Variants in NBEAL1 observed in about 807,000 individuals in gnomAD.
NBEAL1 encodes the protein neurobeachin like 1, also known as neurobeachin-like protein 1.
NBEAL1 carries 273 observed loss-of-function variants against 351.3 expected under a neutral mutation model. That is an observed-to-expected ratio of 0.78 (90% CI 0.70 to 0.86). The LOEUF (loss-of-function observed/expected upper bound fraction) is 0.86. Among genes scored for constraint, NBEAL1 ranks in the 40% least tolerant of loss-of-function variants. The probability of loss-of-function intolerance (pLI) is 0.00; values close to 1 mark genes in which losing one functional copy is unlikely to be tolerated. For missense variants in NBEAL1, 2,961 were observed against 3,201.3 expected, an observed-to-expected ratio of 0.92 and a Z score of 1.81; for synonymous variants, 1,050 against 1,086.4, an observed-to-expected ratio of 0.97 and a Z score of 0.66.
At chr2:203,110,614 C>T (rs1461463213) in intron 15 of NBEAL1, among the ~76,000 whole-genome samples, 1 of 150,602 alleles carries the variant, frequency 6.6e-6, no homozygotes, top group East Asian at 2.0e-4. Flanking sequence ...GTCAAGGCTC[C>T]AGTAAGCTGA....
At chr2:203,147,981 C>G (rs916578653) in intron 33 of NBEAL1, among the ~76,000 whole-genome samples, 1 of 151,882 alleles carries the variant, frequency 6.6e-6, no homozygotes, top group Non-Finnish European at 1.5e-5. Flanking sequence ...ATTATTGAAC[C>G]TCAAAACTGT....
intron 10 of NBEAL1, chr2:203,086,249 C>G (rs887279533): frequency 6.6e-6 from 1 of 152,074 alleles, no homozygotes. Context: ...CTACCTTGAT[C>G]TTTTTTACTG....
chr2:203,200,433 A>G (rs2065363707), intron 49 of NBEAL1, among the ~76,000 whole-genome samples: 1 of 152,212 alleles, frequency 6.6e-6, no homozygotes, highest in Non-Finnish European at 1.5e-5. Context: ...GAATGGTGTG[A>G]ACCTGGGAGG....
intron 2 of NBEAL1, among the ~76,000 whole-genome samples, chr2:203,028,887 C>CAT (rs1422878639): frequency 1.3e-5 from 2 of 152,028 alleles, no homozygotes; most frequent in Non-Finnish European, 2.9e-5. Flanking sequence ...AGAGCATTCC[C>CAT]ATATACCCCC....
intron 3 of NBEAL1, among the ~76,000 whole-genome samples, chr2:203,047,913 T>G (rs887040810): frequency 5.3e-5 from 8 of 152,212 alleles, no homozygotes; most frequent in Non-Finnish European, 1.2e-4. Flanking sequence ...TGGTTAATTT[T>G]TTTTTTTCCA....
At chr2:203,077,677 C>A in intron 7 of NBEAL1, 75 bp from the exon 8 acceptor site, 1 of 864,248 alleles carries the variant, frequency 1.2e-6, no homozygotes, top group Non-Finnish European at 1.6e-6. Context: ...GTGTTTGCAT[C>A]AGACATTCCT....
chr2:203,177,269 A>C (rs1176312062), intron 42 of NBEAL1, among the ~76,000 whole-genome samples: 1 of 151,740 alleles, frequency 6.6e-6, no homozygotes, highest in Non-Finnish European at 1.5e-5. Flanking sequence ...GTAAGGTGGC[A>C]CACACCTATA....
At chr2:203,050,738 C>T (rs1046988145) in intron 4 of NBEAL1, among the ~76,000 whole-genome samples, 1 of 152,088 alleles carries the variant, frequency 6.6e-6, no homozygotes, top group African/African-American at 2.4e-5. Flanking sequence ...AGAGCTTGAG[C>T]CTTGCTTATG....
chr2:203,051,252 T>C (rs1365554652), intron 4 of NBEAL1, among the ~76,000 whole-genome samples: 1 of 152,122 alleles, frequency 6.6e-6, no homozygotes, highest in Non-Finnish European at 1.5e-5. Flanking sequence ...TTATAAGGGT[T>C]GAAGTATGCA....
Position 203,132,148 on chromosome 2 carries a change from A to G in NBEAL1, c.3724+16A>G. 1 of 1,370,928 alleles carries G rather than the reference A, an allele frequency of 7.3e-7. No homozygotes were observed. The highest frequency in any genetic ancestry group is 9.9e-7 in the Non-Finnish European group (1 of 1,014,274). 84.9% of individuals were successfully genotyped at this position (1,370,928 alleles called of 1,614,324 possible). A position where few individuals can be genotyped will look rare whatever the true frequency, so the allele number is the denominator to read the frequency against. Reference sequence around the variant, plus strand: ...ATAAATACAGGTATGAATAAGGCTAATAAAGCTAACATATTTAAGAAATGT... The same window carrying G: ...ATAAATACAGGTATGAATAAGGCTAGTAAAGCTAACATATTTAAGAAATGT... On this transcript the variant is annotated intron_variant, in intron 26 of 55. Coordinates refer to ENST00000683969, the MANE Select transcript of NBEAL1 (RefSeq NM_001378026.1).
chr2:203,184,378 C>G (rs2064832565), intron 44 of NBEAL1, among the ~76,000 whole-genome samples: 1 of 152,166 alleles, frequency 6.6e-6, no homozygotes, highest in Non-Finnish European at 1.5e-5. Flanking sequence ...TGACAATGAG[C>G]TGAGATCGCA....
intron 12 of NBEAL1, among the ~76,000 whole-genome samples, chr2:203,103,967 G>A (rs1574973377): frequency 6.6e-6 from 1 of 152,298 alleles, no homozygotes; most frequent in East Asian, 1.9e-4. Flanking sequence ...GTTCGAGAGT[G>A]TAGTTGGTAT....
In NBEAL1 at chr2:203,126,045, T is replaced by C. The variant is rs1474225123; in HGVS notation, c.2937T>C (p.Asn979=). The C allele has an allele frequency of 3.2e-6, 5 of 1,544,402 alleles. No homozygotes were observed. The African/African-American group carries it at 6.9e-5, about 21-fold the overall frequency. ...FIQRHPINQG[N]LIHSHGVATL... is the part of the protein sequence containing the mutation. ...AGAGACATCCTATCAACCAGGGCAA[T>C]CTTATTCACTCCCATGGAGTTGCAA... The change falls in exon 21 of 56, where the codon AAT becomes AAC. Residue 979 remains asparagine (N), a synonymous_variant. Coordinates refer to ENST00000683969, the MANE Select transcript of NBEAL1 (RefSeq NM_001378026.1).
chr2:203,111,857 A>G (rs1381716340), intron 15 of NBEAL1, 122 bp from the exon 16 acceptor site: 3 of 1,130,680 alleles, frequency 2.7e-6, no homozygotes, highest in Non-Finnish European at 3.7e-6. Context: ...TCAATTTAAC[A>G]TTTACGTTTA....
At chr2:203,127,122 G>A (rs981802957) in intron 23 of NBEAL1, among the ~76,000 whole-genome samples, 196 bp downstream of exon 23, 2 of 152,164 alleles carry the variant, frequency 1.3e-5, no homozygotes, top group African/African-American at 2.4e-5. Context: ...TTCATTAATT[G>A]TGCAACTGTA....
chr2:203,151,521 G>C lies in NBEAL1; in HGVS notation c.5519G>C (p.Arg1840Thr). 6.2e-7 allele frequency: 1 copy of C among 1,610,728 alleles called. No homozygotes were observed. Among genetic ancestry groups the C allele is most frequent in the East Asian group, 2.2e-5 (1 of 44,686 alleles). ...AATGTAGAGAATTATTCCCGCATGA[G>C]ACTTAAGCTGGTACCGAATTATAAT... ...LANVENYSRMRLKLVPNYNFK... is the reference protein window; with the variant it reads ...LANVENYSRMTLKLVPNYNFK... Residue 1840 changes from arginine to threonine, a missense_variant, in exon 35 of 56, where the codon AGA becomes ACA. By Grantham distance (71) the Arg-to-Thr change is moderately conservative. Transcript: ENST00000683969.
intron 2 of NBEAL1, among the ~76,000 whole-genome samples, chr2:203,023,711 CTT>C (rs1045855264): frequency 1.8e-4 from 28 of 151,656 alleles, no homozygotes; most frequent in African/African-American, 6.8e-4. Context: ...AGCATGCTGA[CTT>C]TTCCATGTTT....
At chr2:203,088,718 C>T (rs2062012418) in intron 10 of NBEAL1, among the ~76,000 whole-genome samples, 1 of 152,044 alleles carries the variant, frequency 6.6e-6, no homozygotes, top group South Asian at 2.1e-4. Context: ...ATGGAAGGCC[C>T]CCATTTGTTT....
intron 47 of NBEAL1, among the ~76,000 whole-genome samples, chr2:203,194,858 A>AT (rs2065191331): frequency 6.6e-6 from 1 of 152,110 alleles, no homozygotes; most frequent in Non-Finnish European, 1.5e-5. Context: ...CAAAAAATAT[A>AT]ATTTTTTGAT....
Sources: gnomAD v4.1 joint callset for allele counts (sites outside exome capture counted in the v4.1 genomes callset) on GRCh38, gnomAD v4.1.1 for gene constraint, MANE v1.5 for transcripts, NCBI Gene and HGNC (gene_info 2026-07-23, HGNC 2026-07-21) for gene names.